LHX6: variants seen among roughly 807,000 people sequenced by gnomAD.
LHX6 encodes the protein LIM homeobox 6.
LHX6 carries 15 observed loss-of-function variants against 47.1 expected under a neutral mutation model. The observed-to-expected ratio is 0.32, with a 90% confidence interval of 0.21 to 0.49. The LOEUF is 0.49. Among genes scored for constraint, LHX6 ranks in the 20% least tolerant of loss-of-function variants. The pLI, the probability that LHX6 is intolerant of heterozygous loss-of-function variation, is 0.99. For synonymous variants in LHX6, 242 were observed against 233.5 expected, an observed-to-expected ratio of 1.04 and a Z score of -0.33; for missense variants, 404 against 539.6, an observed-to-expected ratio of 0.75 and a Z score of 2.49.
rs1378520379 is a variant in LHX6, at chr9:122,213,667, G to C, written c.993C>G (p.His331Gln). Residue 331 changes from histidine (H) to glutamine (Q), a missense_variant, in exon 8 of 10, where the codon CAC (histidine) becomes CAG (glutamine). Physicochemically the swap from His to Gln is conservative, Grantham distance 24. Transcript: ENST00000394319. The surrounding 1 kb of genome is among the most constrained non-coding windows in gnomAD (Gnocchi z 5.5). ...GCTCGGGGCTGCTGAACGGGGTGTA[G>C]TGGATGTCGTCGGACAGGGCGGAGG... ...RLPSALSDDIHYTPFSSPERA... is the reference protein window; with the variant it reads ...RLPSALSDDIQYTPFSSPERA... 1 of 1,612,240 alleles carries C rather than the reference G, an allele frequency of 6.2e-7. No homozygotes were observed. The highest frequency in any genetic ancestry group is 8.5e-7 in the Non-Finnish European group (1 of 1,179,778).
At chr9:122,206,902 G>T (rs184965565) in intron 9 of LHX6, among the ~76,000 whole-genome samples, 38 of 152,202 alleles carry the variant, frequency 2.5e-4, no homozygotes, top group Non-Finnish European at 4.7e-4. Flanking sequence ...TTGCACATGC[G>T]GTTCTCTTGA....
At chr9:122,211,487 A>C (rs912949942) in intron 8 of LHX6, among the ~76,000 whole-genome samples, 7 of 152,160 alleles carry the variant, frequency 4.6e-5, no homozygotes, top group Admixed American at 4.6e-4. Flanking sequence ...TCTACAGAAA[A>C]ACTCATTTTT....
At chr9:122,227,112 C>A (rs1309010052) in intron 2 of LHX6, 82 bp from the exon 3 acceptor site, 5 of 1,306,394 alleles carry the variant, frequency 3.8e-6, no homozygotes, top group Non-Finnish European at 5.1e-6. Context: ...CTGGGGCCCC[C>A]GAGCACCAAT....
chr9:122,222,861 C>T (rs994002035), intron 4 of LHX6, among the ~76,000 whole-genome samples: 1 of 152,232 alleles, frequency 6.6e-6, no homozygotes, highest in Non-Finnish European at 1.5e-5. Flanking sequence ...CCACTCCCTT[C>T]CTCCCCCTTG....
intron 4 of LHX6, among the ~76,000 whole-genome samples, chr9:122,220,557 A>G (rs1196254302): frequency 6.6e-6 from 1 of 152,236 alleles, no homozygotes. Flanking sequence ...GGAGACAACG[A>G]AACTTCAAGA....
Position 122,228,681 on chromosome 9 carries a change from G to C in LHX6, c.60C>G (p.Ala20=), listed in dbSNP as rs777842782. Residue 20 remains alanine (A), a synonymous_variant, in exon 1 of 10, where the codon GCC becomes GCG. Coordinates refer to ENST00000394319, the MANE Select transcript of LHX6 (RefSeq NM_014368.5). ...PALPEGCRLP[A]EGGPATDQVM... The stretch of plus-strand genomic sequence containing the variant: ...CCTGGTCGGTGGCGGGGCCGCCCTC[G>C]GCCGGCAGCCGGCAGCCCTCGGGCA... 1 of 1,289,740 alleles carries C rather than the reference G, an allele frequency of 7.8e-7. No homozygotes were observed. Among genetic ancestry groups the C allele is most frequent in the Non-Finnish European group, 9.8e-7 (1 of 1,019,382 alleles). 79.9% of individuals were successfully genotyped at this position (1,289,740 alleles called of 1,614,324 possible).
Position 122,228,702 on chromosome 9 carries a change from G to A in LHX6, c.39C>T (p.Pro13=). ...WKHENAAPAL[P]EGCRLPAEGG... is the part of the protein sequence containing the mutation. Reference sequence around the variant, plus strand: ...CCTCGGCCGGCAGCCGGCAGCCCTCGGGCAACGCCGGGGCGGCGTTCTCAT... The same window carrying A: ...CCTCGGCCGGCAGCCGGCAGCCCTCAGGCAACGCCGGGGCGGCGTTCTCAT... Residue 13 remains proline (P), a synonymous_variant, in exon 1 of 10, where the codon CCC becomes CCT. Coordinates refer to ENST00000394319, the MANE Select transcript of LHX6 (RefSeq NM_014368.5). 1 of 1,291,090 alleles carries A rather than the reference G, an allele frequency of 7.7e-7. No homozygotes were observed. The highest frequency in any genetic ancestry group is 2.7e-5 in the South Asian group (1 of 37,360). The allele number at this position is 1,291,090 out of a possible 1,614,324, so 80.0% of individuals were successfully genotyped here.
In LHX6 at chr9:122,209,725, C is replaced by T. The variant is rs376044690; in HGVS notation, c.1055-8G>A. 29 of 814,832 alleles carry T rather than the reference C, an allele frequency of 3.6e-5. No homozygotes were observed. Among genetic ancestry groups the T allele is most frequent in the African/African-American group, 1.3e-4 (8 of 59,768 alleles). 50.5% of individuals were successfully genotyped at this position (814,832 alleles called of 1,614,324 possible). A position where few individuals can be genotyped will look rare whatever the true frequency, so the allele number is the denominator to read the frequency against. On this transcript the variant is annotated splice_polypyrimidine_tract_variant and splice_region_variant and intron_variant, in intron 8 of 9. Coordinates refer to ENST00000394319, the MANE Select transcript of LHX6 (RefSeq NM_014368.5). ...GCCCGCACTGTACCTGACCTGTGGA[C>T]GAGAGGATGCCTTGGAGCTCATCCC...
rs78771911 is a variant in LHX6 at position 122,214,454 on chromosome 9, G to T, written c.683-71C>A. On this transcript the variant is annotated intron_variant, in intron 5 of 9. Coordinates refer to ENST00000394319, the MANE Select transcript of LHX6 (RefSeq NM_014368.5). The surrounding 1 kb of genome is among the most constrained non-coding windows in gnomAD (Gnocchi z 4.6). ...GTGGCAGCCTGGAAAGGACGGGGGTGGGGGGAGCTTGTCCCTGGAAGGGTC... is the reference window on the plus strand; with the variant it reads ...GTGGCAGCCTGGAAAGGACGGGGGTTGGGGGAGCTTGTCCCTGGAAGGGTC... The T allele has an allele frequency of 6.3e-6, 9 of 1,436,598 alleles. No individual in the cohort carries two copies. The highest frequency in any genetic ancestry group is 5.9e-5 in the South Asian group (4 of 68,300). The allele number at this position is 1,436,598 out of a possible 1,614,324, so 89.0% of individuals were successfully genotyped here. A position where few individuals can be genotyped will look rare whatever the true frequency, so the allele number is the denominator to read the frequency against.
intron 8 of LHX6, 35 bp from the exon 9 acceptor site, chr9:122,209,752 C>T: frequency 1.3e-6 from 1 of 768,342 alleles, no homozygotes. Flanking sequence ...GCTCATCCCC[C>T]AGGCTGCACA....
intron 4 of LHX6, among the ~76,000 whole-genome samples, chr9:122,225,837 G>C (rs1290025024): frequency 6.6e-6 from 1 of 152,214 alleles, no homozygotes; most frequent in South Asian, 2.1e-4. Flanking sequence ...CGGTTGCGGC[G>C]CTGGTGCTTT....
chr9:122,223,106 C>T (rs947310367), intron 4 of LHX6, among the ~76,000 whole-genome samples: 2 of 152,192 alleles, frequency 1.3e-5, no homozygotes, highest in African/African-American at 4.8e-5. Context: ...GCAGTGCAGA[C>T]AATAGTCCTT....
rs373934432 is a variant in LHX6, at chr9:122,213,830, C to T, written c.880-50G>A. 4.4e-5 allele frequency: 68 copies of T among 1,547,366 alleles called. No individual in the cohort carries two copies. The highest frequency in any genetic ancestry group is 7.8e-5 in the Admixed American group (4 of 51,136). On this transcript the variant is annotated intron_variant, in intron 7 of 9. Coordinates refer to ENST00000394319, the MANE Select transcript of LHX6 (RefSeq NM_014368.5). This position sits in a 1 kb window ranked among gnomAD's most constrained non-coding sequence, Gnocchi z 5.5. ...CAGCCTCGAGGAAAAGAGTCGGACG[C>T]GCCGCCGGGAGACCCCAGGCGGGAC... is the stretch of plus-strand genomic sequence containing the variant.
intron 1 of LHX6, 152 bp downstream of exon 1, chr9:122,228,501 TCGCG>T: frequency 8.5e-7 from 1 of 1,180,314 alleles, no homozygotes; most frequent in Non-Finnish European, 1.1e-6. Context: ...CCCCCCCCGC[TCGCG>T]CGCGCGCTCC....
Position 122,228,713 on chromosome 9 carries a change from G to C in LHX6, c.28C>G (p.Pro10Ala). 1 of 1,292,284 alleles carries C rather than the reference G, an allele frequency of 7.7e-7. No homozygotes were observed. Among genetic ancestry groups the C allele is most frequent in the Non-Finnish European group, 9.8e-7 (1 of 1,019,114 alleles). The allele number at this position is 1,292,284 out of a possible 1,614,324, so 80.1% of individuals were successfully genotyped here. MYWKHENAA[P>A]ALPEGCRLPA... Reference sequence around the variant, plus strand: ...AGCCGGCAGCCCTCGGGCAACGCCGGGGCGGCGTTCTCATGCTTCCAGTAC... The same window carrying C: ...AGCCGGCAGCCCTCGGGCAACGCCGCGGCGGCGTTCTCATGCTTCCAGTAC... The change falls in exon 1 of 10, where the codon CCG (proline) becomes GCG (alanine). Residue 10 changes from proline (P) to alanine (A), a missense_variant. Around this residue, in one of 7 missense-constraint regions of LHX6, gnomAD observed 144 missense variants for 128.7 expected, o/e 1.12. Coordinates refer to ENST00000394319, the MANE Select transcript of LHX6 (RefSeq NM_014368.5).
chr9:122,227,391 A>T lies in LHX6; in HGVS notation c.156+18T>A. On this transcript the variant is annotated intron_variant, in intron 2 of 9. Transcript: ENST00000394319. The stretch of plus-strand genomic sequence containing the variant: ...CGCTGGAGGACTGGGCACCGCAGGC[A>T]GGGCCAAACGGACTCACCATGGCGG... 1 of 1,480,868 alleles carries T rather than the reference A, an allele frequency of 6.8e-7. No homozygotes were observed. The allele number at this position is 1,480,868 out of a possible 1,614,324, so 91.7% of individuals were successfully genotyped here. A position where few individuals can be genotyped will look rare whatever the true frequency, so the allele number is the denominator to read the frequency against.
Position 122,217,266 on chromosome 9 carries a change from G to T in LHX6, c.484C>A (p.Arg162=), listed in dbSNP as rs756354677. 10 of 1,612,548 alleles carry T rather than the reference G, an allele frequency of 6.2e-6. No homozygotes were observed. The highest frequency in any genetic ancestry group is 8.5e-6 in the Non-Finnish European group (10 of 1,179,814). The change falls in exon 5 of 10, where the codon CGG becomes AGG. Residue 162 remains arginine, a synonymous_variant. Coordinates refer to ENST00000394319, the MANE Select transcript of LHX6 (RefSeq NM_014368.5). This position sits in a 1 kb window ranked among gnomAD's most constrained non-coding sequence, Gnocchi z 4.9. The stretch of plus-strand genomic sequence containing the variant: ...CTGGCGTAGATCTGTCGGCCGCACC[G>T]GGCACACTTGGTCCCGAATCGGCTG... ...YFSRFGTKCA[R]CGRQIYASDW... is the part of the protein sequence containing the mutation.
chr9:122,228,511 G>T (rs555669887), intron 1 of LHX6, 146 bp downstream of exon 1: 5 of 1,352,712 alleles, frequency 3.7e-6, no homozygotes, highest in Admixed American at 3.5e-5. Context: ...TCGCGCGCGC[G>T]CTCCCACACT....
intron 9 of LHX6, among the ~76,000 whole-genome samples, chr9:122,208,272 C>CT (rs774253047): frequency 3.3e-5 from 5 of 152,206 alleles, no homozygotes; most frequent in Non-Finnish European, 7.3e-5. Flanking sequence ...GATGCCTCAG[C>CT]TTTCAGGCCT....
Sources: gnomAD v4.1 joint callset for allele counts (sites outside exome capture counted in the v4.1 genomes callset) on GRCh38, gnomAD v4.1.1 for gene constraint, gnomAD v4.1.1 regional missense constraint, Gnocchi (gnomAD v3.1) non-coding constraint, MANE v1.5 for transcripts, NCBI Gene and HGNC (gene_info 2026-07-23, HGNC 2026-07-21) for gene names.